MAGI2: variants seen among roughly 807,000 people sequenced by gnomAD.
The protein encoded by MAGI2 is membrane associated guanylate kinase, WW and PDZ domain containing 2.
MAGI2 carries 35 observed loss-of-function variants against 133.3 expected under a neutral mutation model. That is an observed-to-expected ratio of 0.26 (90% confidence interval 0.20 to 0.35). The LOEUF is 0.35. Among genes scored for constraint, MAGI2 ranks in the 10% least tolerant of loss-of-function variants. The probability of loss-of-function intolerance (pLI) is 1.00; values close to 1 mark genes in which losing one functional copy is unlikely to be tolerated. For missense variants in MAGI2, 1,636 were observed against 1,863.4 expected (o/e 0.88, Z 2.25); for synonymous variants, 729 against 710.6 (o/e 1.03, Z -0.41).
At chr7:78,963,054 T>A (rs573730005) in intron 2 of MAGI2, among the ~76,000 whole-genome samples, 1 of 152,216 alleles carries the variant, frequency 6.6e-6, no homozygotes, top group South Asian at 2.1e-4. Context: ...ACTTGGAAGT[T>A]TTCTTACTAT....
At chr7:78,848,406 T>G (rs1364549861) in intron 2 of MAGI2, among the ~76,000 whole-genome samples, 3 of 152,060 alleles carry the variant, frequency 2.0e-5, no homozygotes, top group Non-Finnish European at 4.4e-5. Context: ...GCTTTATGTC[T>G]TGATTTATTT....
chr7:79,347,052 C>T (rs17152335), intron 1 of MAGI2, among the ~76,000 whole-genome samples: 46,915 of 151,648 alleles, frequency 0.31, 7,548 homozygotes, highest in Admixed American at 0.38. Context: ...CATCAATTCT[C>T]GACTGCAACA....
At chr7:78,661,528 C>T (rs1496783) in intron 2 of MAGI2, among the ~76,000 whole-genome samples, 41,792 of 152,054 alleles carry the variant, frequency 0.27, 6,105 homozygotes, top group Admixed American at 0.32. Context: ...CCGTTTCCTC[C>T]TTCACATCAA....
At chr7:78,321,909 A>T (rs955785455) in intron 9 of MAGI2, among the ~76,000 whole-genome samples, 2 of 152,122 alleles carry the variant, frequency 1.3e-5, no homozygotes, top group East Asian at 1.9e-4. Flanking sequence ...ACGAAGAACT[A>T]AAACAAATTT....
At chr7:78,536,786 A>T (rs1797984848) in intron 3 of MAGI2, among the ~76,000 whole-genome samples, 1 of 131,272 alleles carries the variant, frequency 7.6e-6, no homozygotes, top group South Asian at 2.4e-4. Flanking sequence ...CTGGAGACAG[A>T]GTCTTGCTCT....
intron 2 of MAGI2, among the ~76,000 whole-genome samples, chr7:78,680,685 A>G (rs1815551118): frequency 1.3e-5 from 2 of 152,184 alleles, no homozygotes; most frequent in South Asian, 4.1e-4. Flanking sequence ...ACCTATGCTG[A>G]GTTTTGACAA....
intron 3 of MAGI2, among the ~76,000 whole-genome samples, chr7:78,549,763 T>A (rs1435019989): frequency 6.6e-6 from 1 of 152,194 alleles, no homozygotes; most frequent in Non-Finnish European, 1.5e-5. Flanking sequence ...AAGTATAATA[T>A]GTCAATGTAT....
At chr7:78,366,837 T>C (rs1295718858) in intron 7 of MAGI2, among the ~76,000 whole-genome samples, 1 of 152,138 alleles carries the variant, frequency 6.6e-6, no homozygotes, top group Non-Finnish European at 1.5e-5. Flanking sequence ...CTGACACTGG[T>C]CAACTCTATA....
chr7:78,617,180 A>C (rs1341399215), intron 3 of MAGI2: 1 of 152,154 alleles, frequency 6.6e-6, no homozygotes, highest in Non-Finnish European at 1.5e-5. Context: ...TAGTCCAGGA[A>C]AATGACAAAT....
intron 1 of MAGI2, among the ~76,000 whole-genome samples, chr7:79,396,852 T>A (rs1003697902): frequency 6.6e-6 from 1 of 151,398 alleles, no homozygotes; most frequent in East Asian, 1.9e-4. Context: ...ACTGACAGCA[T>A]TGACCTGGAA....
At chr7:79,257,990 G>T (rs1487735636) in intron 1 of MAGI2, among the ~76,000 whole-genome samples, 4 of 152,120 alleles carry the variant, frequency 2.6e-5, no homozygotes, top group Non-Finnish European at 5.9e-5. Flanking sequence ...CATACATTTT[G>T]CCTGACCTCA....
intron 2 of MAGI2, among the ~76,000 whole-genome samples, chr7:78,867,289 C>T (rs1291105747): frequency 1.3e-5 from 2 of 150,548 alleles, no homozygotes; most frequent in African/African-American, 4.9e-5. Flanking sequence ...TGGAACCAAC[C>T]CAAATGTCCA....
At chr7:78,453,095 A>G (rs1788903656) in intron 6 of MAGI2, among the ~76,000 whole-genome samples, 1 of 152,072 alleles carries the variant, frequency 6.6e-6, no homozygotes, top group Non-Finnish European at 1.5e-5. Flanking sequence ...TTTTATTTTT[A>G]GTTTTCAATG....
rs140610050 is a variant in MAGI2 at position 79,304,440 on chromosome 7, C to T, written c.301+148580G>A. 1.8e-3 allele frequency among the ~76,000 whole-genome samples: 273 copies of T among 151,820 alleles called. 1 individual carries two copies. The highest frequency in any genetic ancestry group is 5.2e-3 in the African/African-American group (216 of 41,420). ...CCTTAGATACTCTGGTGATGGGAGA[C>T]GGAAGGTTGAAATCTGCTGTCCTAA... On this transcript the variant is annotated intron_variant, in intron 1 of 21. Coordinates refer to ENST00000354212, the MANE Select transcript of MAGI2 (RefSeq NM_012301.4).
chr7:78,352,630 T>A (rs576065844), intron 7 of MAGI2, among the ~76,000 whole-genome samples: 4 of 152,194 alleles, frequency 2.6e-5, no homozygotes, highest in Non-Finnish European at 4.4e-5. Context: ...GGTGTCTATG[T>A]TGGGGATATA....
At chr7:78,584,257 T>G (rs1803155715) in intron 3 of MAGI2, among the ~76,000 whole-genome samples, 1 of 151,464 alleles carries the variant, frequency 6.6e-6, no homozygotes. Flanking sequence ...CTGTCTCTAC[T>G]AAAAATACAA....
intron 9 of MAGI2, among the ~76,000 whole-genome samples, chr7:78,264,538 T>A (rs553562629): frequency 1.3e-5 from 2 of 152,174 alleles, no homozygotes; most frequent in East Asian, 1.9e-4. Context: ...GAATCCACTG[T>A]ATTTGCTAGG....
chr7:78,539,004 C>T lies in MAGI2; in HGVS notation c.539-17359G>A, dbSNP rs530244376. On this transcript the variant is annotated intron_variant, in intron 3 of 21. Coordinates refer to ENST00000354212, the MANE Select transcript of MAGI2 (RefSeq NM_012301.4). ...ATACAGTGGAACATGACAAGAATGC[C>T]GTGGCTAAGACTTCCAGTACTATGT... is the stretch of plus-strand genomic sequence containing the variant. Among the ~76,000 whole-genome samples the T allele has an allele frequency of 9.9e-4, 150 of 152,222 alleles. 2 individuals are homozygous for T. The highest frequency in any genetic ancestry group is 2.9e-3 in the African/African-American group (119 of 41,540).
chr7:79,020,053 G>T (rs1426802328), intron 1 of MAGI2, among the ~76,000 whole-genome samples: 1 of 152,188 alleles, frequency 6.6e-6, no homozygotes, highest in African/African-American at 2.4e-5. Context: ...TTGTTGAATG[G>T]CTTTGACCAA....
Sources: allele counts gnomAD v4.1 joint callset (sites outside exome capture counted in the v4.1 genomes callset), GRCh38; gene constraint gnomAD v4.1.1; transcripts MANE v1.5; gene names NCBI Gene and HGNC (gene_info 2026-07-23, HGNC 2026-07-21).